FKBP5: variants seen among roughly 807,000 people sequenced by gnomAD.
The protein encoded by FKBP5 is FKBP prolyl isomerase 5.
Under a neutral mutation model 50.5 loss-of-function variants are expected in FKBP5, and 23 were observed. The ratio of observed to expected loss-of-function variants is 0.46; its 90% CI spans 0.33 to 0.65. The LOEUF (loss-of-function observed/expected upper bound fraction) is 0.65. FKBP5 is among the 30% of genes least tolerant of loss of function. FKBP5 has a pLI of 0.02. For missense variants in FKBP5, 411 were observed against 553.1 expected (o/e 0.74, Z 2.58); for synonymous variants, 176 against 190.6 (o/e 0.92, Z 0.63).
intron 8 of FKBP5, chr6:35,581,160 A>C: frequency 1.0e-6 from 1 of 982,290 alleles, no homozygotes; most frequent in Non-Finnish European, 1.2e-6. Flanking sequence ...ATCTATAGGC[A>C]ATGGGAATAT....
chr6:35,658,561 A>C lies in FKBP5; in HGVS notation c.-19-15718T>G, dbSNP rs1765022040. On this transcript the variant is annotated intron_variant, in intron 1 of 10. Coordinates refer to ENST00000357266, the MANE Select transcript of FKBP5 (RefSeq NM_004117.4). ...TATTGAGAAGTTCCCTTATTTTCCT[A>C]GTTTGCTGAGTTTTCATCAGCAAGG... 2.6e-5 allele frequency among the ~76,000 whole-genome samples: 4 copies of C among 152,054 alleles called. No homozygotes were observed. In the South Asian group the frequency reaches 8.3e-4, roughly 32 times the overall value.
chr6:35,641,811 C>G (rs545188444), intron 2 of FKBP5, among the ~76,000 whole-genome samples: 32 of 152,072 alleles, frequency 2.1e-4, no homozygotes, highest in Non-Finnish European at 2.4e-4. Flanking sequence ...TCAAGACCAG[C>G]CTGGCCAACA....
intron 5 of FKBP5, among the ~76,000 whole-genome samples, chr6:35,608,526 C>G (rs575529582): frequency 2.8e-4 from 42 of 152,000 alleles, no homozygotes; most frequent in Non-Finnish European, 5.3e-4. Context: ...AAGACCCCGT[C>G]TCTAAAAGGA....
intron 1 of FKBP5, among the ~76,000 whole-genome samples, chr6:35,667,208 A>C (rs974537048): frequency 6.6e-6 from 1 of 152,196 alleles, no homozygotes; most frequent in Non-Finnish European, 1.5e-5. Flanking sequence ...AAAAGTGCTT[A>C]ATGAGAAACT....
At chr6:35,640,594 T>C (rs1385288091) in intron 2 of FKBP5, among the ~76,000 whole-genome samples, 1 of 152,210 alleles carries the variant, frequency 6.6e-6, no homozygotes, top group Non-Finnish European at 1.5e-5. Flanking sequence ...TAATAATAAA[T>C]CAATCTTAGC....
chr6:35,582,647 T>C lies in FKBP5; in HGVS notation c.841-2426A>G, dbSNP rs374908507. ...CCTGTTGTTGAAGCCACCCAGTGTA[T>C]GGTATTTTACTGTGGCAGCCCAAGC... On this transcript the variant is annotated intron_variant, in intron 8 of 10. Transcript: ENST00000357266. 4.1e-6 allele frequency: 4 copies of C among 983,900 alleles called. No homozygotes were observed. In the African/African-American group the frequency reaches 7.0e-5, roughly 17 times the overall value. The allele number at this position is 983,900 out of a possible 1,614,324, so 60.9% of individuals were successfully genotyped here. A position where few individuals can be genotyped will look rare whatever the true frequency, so the allele number is the denominator to read the frequency against.
intron 8 of FKBP5, chr6:35,586,727 T>C: frequency 5.7e-6 from 7 of 1,230,476 alleles, no homozygotes; most frequent in Non-Finnish European, 6.1e-6. Context: ...GAGTGCCAAC[T>C]ATGTACCAAG....
intron 2 of FKBP5, 100 bp downstream of exon 2, chr6:35,642,620 A>G: frequency 1.2e-6 from 1 of 824,572 alleles, no homozygotes; most frequent in Non-Finnish European, 1.9e-6. Context: ...CTTAGTAACC[A>G]TCAATAAACA....
At chr6:35,583,100 C>A (rs145888809) in intron 8 of FKBP5, 22 of 985,298 alleles carry the variant, frequency 2.2e-5, no homozygotes, top group Non-Finnish European at 2.5e-5. Context: ...AAAAACAATA[C>A]CAACAACAAA....
chr6:35,593,042 C>T (rs541564545), intron 6 of FKBP5, among the ~76,000 whole-genome samples: 4 of 152,300 alleles, frequency 2.6e-5, no homozygotes, highest in African/African-American at 4.8e-5. Context: ...TAAAATGAAG[C>T]GATTCAGTCA....
chr6:35,678,314 T>C (rs372593132), intron 1 of FKBP5, among the ~76,000 whole-genome samples: 30 of 152,188 alleles, frequency 2.0e-4, no homozygotes, highest in Admixed American at 5.9e-4. Flanking sequence ...TTTCAAGACA[T>C]AGACGAATAT....
At chr6:35,590,256 G>A (rs1762772084) in intron 7 of FKBP5, among the ~76,000 whole-genome samples, 2 of 151,924 alleles carry the variant, frequency 1.3e-5, no homozygotes, top group African/African-American at 2.4e-5. Context: ...CTATGATCGC[G>A]CTCACTGTAT....
upstream of FKBP5, among the ~76,000 whole-genome samples, chr6:35,693,614 G>A (rs1179214845): frequency 3.3e-5 from 5 of 151,780 alleles, no homozygotes; most frequent in Admixed American, 1.3e-4. Context: ...CCGCTTCCCA[G>A]GTTCAAGCAA....
intron 2 of FKBP5, among the ~76,000 whole-genome samples, chr6:35,716,887 C>T (rs1024525891): frequency 6.6e-6 from 1 of 152,176 alleles, no homozygotes; most frequent in African/African-American, 2.4e-5. Flanking sequence ...TAAGACTTTC[C>T]CACCTCCCCA....
At chr6:35,652,775 T>C (rs1386651533) in intron 1 of FKBP5, among the ~76,000 whole-genome samples, 1 of 152,186 alleles carries the variant, frequency 6.6e-6, no homozygotes, top group Non-Finnish European at 1.5e-5. Flanking sequence ...GTACTTGACG[T>C]CTGTCACCCA....
intron 1 of FKBP5, among the ~76,000 whole-genome samples, chr6:35,643,443 T>A (rs1470457082): frequency 6.6e-6 from 1 of 152,216 alleles, no homozygotes; most frequent in East Asian, 1.9e-4. Context: ...TATTTAACCA[T>A]TTATCATCAT....
intron 3 of FKBP5, among the ~76,000 whole-genome samples, chr6:35,628,366 GA>G (rs1044224938): frequency 2.6e-5 from 4 of 151,646 alleles, no homozygotes; most frequent in East Asian, 1.9e-4. Context: ...ATATCATACA[GA>G]AAAAAAATTA....
chr6:35,630,852 A>G (rs183555462), intron 3 of FKBP5, among the ~76,000 whole-genome samples: 7 of 152,368 alleles, frequency 4.6e-5, no homozygotes, highest in African/African-American at 1.7e-4. Context: ...CTTAATCAGA[A>G]GTAAAAACTT....
chr6:35,722,498 GC>G (rs1299717661), intron 1 of FKBP5, among the ~76,000 whole-genome samples: 1 of 152,128 alleles, frequency 6.6e-6, no homozygotes, highest in East Asian at 1.9e-4. Flanking sequence ...GGCTGCCTGG[GC>G]TTCCGGCTGC....
Sources: allele counts gnomAD v4.1 joint callset (sites outside exome capture counted in the v4.1 genomes callset), GRCh38; gene constraint gnomAD v4.1.1; transcripts MANE v1.5; gene names NCBI Gene and HGNC (gene_info 2026-07-23, HGNC 2026-07-21).